The following TTC3 variants were observed in gnomAD, a reference collection of about 807,000 sequenced individuals.
TTC3 encodes tetratricopeptide repeat domain 3, also known as E3 ubiquitin-protein ligase TTC3.
In TTC3, 180 loss-of-function variants were observed where a neutral mutation model predicts 249.6. The observed-to-expected ratio is 0.72, with a 90% CI of 0.64 to 0.82. The LOEUF is 0.82. Ranked by LOEUF, TTC3 falls within the 40% of genes least tolerant of loss-of-function variation. TTC3 has a pLI of 0.00. For missense variants in TTC3, 2,061 were observed against 2,398.4 expected, an observed-to-expected ratio of 0.86 and a Z score of 2.94; for synonymous variants, 717 against 805.0, an observed-to-expected ratio of 0.89 and a Z score of 1.85.
intron 1 of TTC3, among the ~76,000 whole-genome samples, chr21:37,085,307 TTTAGAG>T (rs1200905400): frequency 3.3e-5 from 5 of 152,248 alleles, no homozygotes; most frequent in Non-Finnish European, 7.3e-5. Flanking sequence ...ATTGTTCACT[TTTAGAG>T]TTAAATTTTT....
chr21:37,073,483 G>A lies in TTC3; in HGVS notation c.-12+119G>A. The A allele has an allele frequency of 3.0e-6, 3 of 986,246 alleles. No individual in the cohort carries two copies. The highest frequency in any genetic ancestry group is 3.6e-6 in the Non-Finnish European group (3 of 830,558). The allele number at this position is 986,246 out of a possible 1,614,324, so 61.1% of individuals were successfully genotyped here. On this transcript the variant is annotated intron_variant, in intron 1 of 45. Coordinates refer to ENST00000355666, the Ensembl canonical transcript of TTC3. ...CCTCCGTGGGTGTGTGGTGAGTGTG[G>A]GTGTGTGCGCGTCTCCTCGCGTCCC...
intron 10 of TTC3, among the ~76,000 whole-genome samples, chr21:37,102,739 G>A (rs535625664): frequency 9.4e-4 from 143 of 152,332 alleles, no homozygotes; most frequent in African/African-American, 3.2e-3. Context: ...GCTCGTGCCT[G>A]TAATCCCAGC....
intron 15 of TTC3, among the ~76,000 whole-genome samples, chr21:37,128,071 T>G (rs969796741): frequency 6.6e-6 from 1 of 152,252 alleles, no homozygotes; most frequent in Non-Finnish European, 1.5e-5. Context: ...TAAGTAGTTT[T>G]GTCCAAGGTC....
chr21:37,166,816 A>G (rs952910603), intron 33 of TTC3, among the ~76,000 whole-genome samples: 2 of 152,242 alleles, frequency 1.3e-5, no homozygotes, highest in African/African-American at 2.4e-5. Flanking sequence ...GCTTGGGTCC[A>G]ATAAACAATA....
chr21:37,199,409 G>T (rs1447152477), intron 44 of TTC3, among the ~76,000 whole-genome samples: 3 of 152,230 alleles, frequency 2.0e-5, no homozygotes, highest in Non-Finnish European at 4.4e-5. Context: ...GCTGTGAGCT[G>T]CAGGGAGAAC....
chr21:37,195,040 G>A (rs2084717082), intron 41 of TTC3: 1 of 152,410 alleles, frequency 6.6e-6, no homozygotes, highest in Non-Finnish European at 1.5e-5. Context: ...CTTCCGTCCA[G>A]GAGTACTAGG....
At chr21:37,179,244 G>A (rs749189331) in intron 35 of TTC3, among the ~76,000 whole-genome samples, 2 of 152,192 alleles carry the variant, frequency 1.3e-5, no homozygotes, top group Non-Finnish European at 2.9e-5. Context: ...CCATGATCTT[G>A]CCACTGCACT....
chr21:37,173,933 T>G (rs1365741678), intron 35 of TTC3, among the ~76,000 whole-genome samples: 8 of 152,202 alleles, frequency 5.3e-5, no homozygotes, highest in Non-Finnish European at 2.9e-5. Context: ...CTTGTGGGTT[T>G]AACAAAACAA....
rs778274354 is a variant in TTC3 at position 37,162,076 on chromosome 21, T to A, written c.3170+13T>A. On this transcript the variant is annotated intron_variant, in intron 31 of 45. Transcript: ENST00000355666. ...GTGAAGACCATAGGTAAGTATAATT[T>A]TTAAATTTTTGCTTCATTTTAACTC... 6.7e-7 allele frequency: 1 copy of A among 1,500,858 alleles called. No individual in the cohort carries two copies. The highest frequency in any genetic ancestry group is 1.9e-5 in the Admixed American group (1 of 51,986). 93.0% of individuals were successfully genotyped at this position (1,500,858 alleles called of 1,614,324 possible). A position where few individuals can be genotyped will look rare whatever the true frequency, so the allele number is the denominator to read the frequency against.
At chr21:37,195,652 A>G (rs772444536) in intron 41 of TTC3, 23 bp from the exon 42 acceptor site, 20 of 1,575,148 alleles carry the variant, frequency 1.3e-5, no homozygotes, top group Admixed American at 1.1e-4. Context: ...TAAGTGATCC[A>G]TGGTGTGGTG....
rs770830815 is a variant in TTC3 at position 37,144,516 on chromosome 21, T to C, written c.1773-9T>C. ...ATCTTTAATGCCTTTTTCATAATTA[T>C]GACTTTAGATTTCTAGAAGCTCTCA... On this transcript the variant is annotated splice_polypyrimidine_tract_variant and intron_variant, in intron 20 of 45. Transcript: ENST00000355666. 6.2e-7 allele frequency: 1 copy of C among 1,604,942 alleles called. No homozygotes were observed. The highest frequency in any genetic ancestry group is 8.5e-7 in the Non-Finnish European group (1 of 1,177,182).
rs527345883 is a variant in TTC3, at chr21:37,101,521, AC to A, written c.845+4879del. On this transcript the variant is annotated intron_variant, in intron 10 of 45. Transcript: ENST00000355666. ...TGGGGTATACCCCCTTTTTAAAAAA[AC>A]AGTAACAAATGCACATGGTAAGCAA... 2.4e-3 allele frequency among the ~76,000 whole-genome samples: 359 copies of A among 151,788 alleles called. 2 individuals are homozygous for A. The highest frequency in any genetic ancestry group is 8.0e-3 in the African/African-American group (332 of 41,338).
chr21:37,088,126 T>C, intron 3 of TTC3, 70 bp from the exon 4 acceptor site: 2 of 1,379,720 alleles, frequency 1.4e-6, no homozygotes, highest in Non-Finnish European at 1.9e-6. Flanking sequence ...TTTGCCTTTT[T>C]ACTATTAAGT....
At chr21:37,201,576 C>G in exon 46 of TTC3, 1 of 1,612,872 alleles carries the variant, frequency 6.2e-7, no homozygotes, top group Non-Finnish European at 8.5e-7. Flanking sequence ...TCTAGGTAGT[C>G]ACACTTCACT....
chr21:37,080,012 T>C (rs2071415913), intron 1 of TTC3, among the ~76,000 whole-genome samples: 2 of 152,162 alleles, frequency 1.3e-5, no homozygotes, highest in Admixed American at 1.3e-4. Flanking sequence ...ATTTGTTTTT[T>C]ATTTCATTGA....
intron 10 of TTC3, among the ~76,000 whole-genome samples, chr21:37,102,813 A>G (rs1192591478): frequency 6.6e-6 from 1 of 152,174 alleles, no homozygotes; most frequent in Non-Finnish European, 1.5e-5. Context: ...CCTGGTCAAC[A>G]TGGTGAAACC....
intron 41 of TTC3, 80 bp from the exon 42 acceptor site, chr21:37,195,595 A>C (rs2084797804): frequency 6.6e-7 from 1 of 1,513,680 alleles, no homozygotes; most frequent in Non-Finnish European, 8.9e-7. Context: ...TACTGTATTT[A>C]TTCATCGGCC....
chr21:37,152,587 C>T (rs147933343), intron 26 of TTC3, among the ~76,000 whole-genome samples: 6,021 of 151,950 alleles, frequency 0.04, 319 homozygotes, highest in East Asian at 0.23. Flanking sequence ...GGGGTTTCAC[C>T]GTGTTAGCCA....
chr21:37,141,170 C>T (rs946692038), intron 20 of TTC3, among the ~76,000 whole-genome samples: 3 of 152,160 alleles, frequency 2.0e-5, no homozygotes, highest in Non-Finnish European at 2.9e-5. Context: ...AAGCTGTTCT[C>T]TAAATGCCTC....
Sources: gnomAD v4.1 joint callset for allele counts (sites outside exome capture counted in the v4.1 genomes callset) on GRCh38, gnomAD v4.1.1 for gene constraint, MANE v1.5 for transcripts, NCBI Gene and HGNC (gene_info 2026-07-23, HGNC 2026-07-21) for gene names.